Variants in ZC3H12A observed in about 807,000 individuals in gnomAD.
ZC3H12A encodes the protein endoribonuclease ZC3H12A.
ZC3H12A carries 9 observed loss-of-function variants against 29.9 expected under a neutral mutation model. The ratio of observed to expected loss-of-function variants is 0.30; its 90% confidence interval spans 0.18 to 0.53. The LOEUF (loss-of-function observed/expected upper bound fraction) is 0.53, where lower values mean the gene tolerates loss of function less well. Among genes scored for constraint, ZC3H12A ranks in the 20% least tolerant of loss-of-function variants. ZC3H12A has a pLI of 0.96. For missense variants in ZC3H12A, 617 were observed against 799.0 expected (o/e 0.77, Z 2.75); for synonymous variants, 323 against 338.1 (o/e 0.96, Z 0.49).
At chr1:37,477,983 C>G (rs537624373) in intron 2 of ZC3H12A, among the ~76,000 whole-genome samples, 19 of 152,226 alleles carry the variant, frequency 1.2e-4, no homozygotes, top group African/African-American at 4.6e-4. Flanking sequence ...CAGTGCACTG[C>G]CCTGAGAGCC....
At position 37,481,790 on chromosome 1, in the gene ZC3H12A, G is replaced by C; in HGVS notation, c.773G>C (p.Arg258Pro). 6.2e-7 allele frequency: 1 copy of C among 1,614,200 alleles called. No individual in the cohort carries two copies. Among genetic ancestry groups the C allele is most frequent in the Non-Finnish European group, 8.5e-7 (1 of 1,180,028 alleles). Residue 258 changes from arginine (R) to proline (P), a missense_variant, in exon 4 of 6, where the codon CGC becomes CCC. By Grantham distance (103) the Arg-to-Pro change is moderately radical. Around this residue, in one of 5 missense-constraint regions of ZC3H12A, gnomAD observed 255 missense variants for 402.5 expected, o/e 0.63. Transcript: ENST00000373087. ...DLQGERQEWK[R>P]FIEERLLMYS... ...CAAGGCGAGCGGCAGGAGTGGAAGC[G>C]CTTCATCGAGGAGCGGCTGCTCATG...
Position 37,475,814 on chromosome 1 carries a change from C to A in ZC3H12A, c.318C>A (p.Leu106=), listed in dbSNP as rs1365561603. The A allele has an allele frequency of 1.2e-6, 2 of 1,608,080 alleles. No homozygotes were observed. Among genetic ancestry groups the A allele is most frequent in the South Asian group, 1.1e-5 (1 of 90,914 alleles). The change falls in exon 2 of 6, where the codon CTC becomes CTA. Residue 106 remains leucine, a synonymous_variant. Coordinates refer to ENST00000373087, the MANE Select transcript of ZC3H12A (RefSeq NM_025079.3). The surrounding 1 kb of genome is among the most constrained non-coding windows in gnomAD (Gnocchi z 5.2). The part of the protein sequence containing the change: ...RQTSPDPCPQ[L]PLVPRGGGTP... ...CCTCACCGGACCCCTGCCCTCAGCT[C>A]CCTCTAGTCCCGCGGGGTGGTGGCA...
In ZC3H12A at chr1:37,483,741, C is replaced by T. The variant is rs185618223; in HGVS notation, c.*130C>T. ...GGCTGGACAGAGGGAGGATTCAAGT[C>T]GGGAAGGAAACCCACAAACCAAAGA... On this transcript the variant is annotated 3_prime_UTR_variant, in exon 6 of 6. Transcript: ENST00000373087. 6 of 1,264,200 alleles carry T rather than the reference C, an allele frequency of 4.7e-6. No individual in the cohort carries two copies. The highest frequency in any genetic ancestry group is 5.3e-6 in the Non-Finnish European group (5 of 940,876). The allele number at this position is 1,264,200 out of a possible 1,614,324, so 78.3% of individuals were successfully genotyped here. A position where few individuals can be genotyped will look rare whatever the true frequency, so the allele number is the denominator to read the frequency against.
In ZC3H12A at chr1:37,483,450, G is replaced by C. The variant is rs1641759497; in HGVS notation, c.1639G>C (p.Gly547Arg). ...TGGCAGGAGCCCGTGGGGCAGGGCA[G>C]GCAGCCTGGCCAAGGAGCAGGCCAG... ...GAGRSPWGRAGSLAKEQASVY... is the reference protein window; with the variant it reads ...GAGRSPWGRARSLAKEQASVY... Residue 547 changes from glycine to arginine, a missense_variant, in exon 6 of 6, where the codon GGC becomes CGC. Coordinates refer to ENST00000373087, the MANE Select transcript of ZC3H12A (RefSeq NM_025079.3). The C allele has an allele frequency of 6.2e-7, 1 of 1,613,906 alleles. No individual in the cohort carries two copies. Among genetic ancestry groups the C allele is most frequent in the Admixed American group, 1.7e-5 (1 of 60,012 alleles).
chr1:37,481,552 G>A (rs1641705546), intron 3 of ZC3H12A, 49 bp from the exon 4 acceptor site: 1 of 1,595,416 alleles, frequency 6.3e-7, no homozygotes, highest in Non-Finnish European at 8.6e-7. Flanking sequence ...TGTAGGCCTG[G>A]CTCTAGGTCC....
chr1:37,483,016 G>A lies in ZC3H12A; in HGVS notation c.1205G>A (p.Gly402Asp), dbSNP rs559392222. 3 of 1,608,402 alleles carry A rather than the reference G, an allele frequency of 1.9e-6. No individual in the cohort carries two copies. The South Asian group carries it at 3.3e-5, about 18-fold the overall frequency. ...EGLTQTYAPS[G>D]RSLAPSGGSG... Reference sequence around the variant, plus strand: ...CTAACACAGACCTATGCCCCATCAGGCAGGAGCCTCGCACCTAGCGGGGGC... The same window carrying A: ...CTAACACAGACCTATGCCCCATCAGACAGGAGCCTCGCACCTAGCGGGGGC... The change falls in exon 6 of 6, where the codon GGC becomes GAC. Residue 402 changes from glycine (G) to aspartate (D), a missense_variant. Gly to Asp is a moderately conservative substitution (Grantham distance 94, BLOSUM62 -1). Transcript: ENST00000373087.
intron 4 of ZC3H12A, 136 bp from the exon 5 acceptor site, chr1:37,482,298 C>T (rs1569927689): frequency 9.6e-6 from 7 of 725,800 alleles, no homozygotes; most frequent in East Asian, 7.8e-5. Flanking sequence ...AGCAGTTTTG[C>T]GGGGTCCTGG....
chr1:37,475,867 C>T lies in ZC3H12A; in HGVS notation c.371C>T (p.Pro124Leu). The change falls in exon 2 of 6, where the codon CCA becomes CTA. Residue 124 changes from proline to leucine, a missense_variant. This residue lies in a region of ZC3H12A where 255 missense variants were observed against 402.5 expected (regional missense o/e 0.63). Coordinates refer to ENST00000373087, the MANE Select transcript of ZC3H12A (RefSeq NM_025079.3). This position sits in a 1 kb window ranked among gnomAD's most constrained non-coding sequence, Gnocchi z 5.2. ...CCTAAGGCTCCCAACCTGGAGCCTC[C>T]ACTCCCAGAAGAGGAAAAGGAGGGC... is the stretch of plus-strand genomic sequence containing the variant. Reference protein sequence around the residue: ...GTPKAPNLEPPLPEEEKEGSD... With the variant: ...GTPKAPNLEPLLPEEEKEGSD... The T allele has an allele frequency of 3.8e-6, 6 of 1,566,488 alleles. No homozygotes were observed. Among genetic ancestry groups the T allele is most frequent in the Non-Finnish European group, 5.2e-6 (6 of 1,156,402 alleles).
rs1641633825 is a variant in ZC3H12A, at chr1:37,478,429, G to A, written c.444-1861G>A. ...TTAGAGACAGGAAGGCAACCGAGTGGCCCAGACCTGGGTTCGAGTTCTGAC... is the reference window on the plus strand; with the variant it reads ...TTAGAGACAGGAAGGCAACCGAGTGACCCAGACCTGGGTTCGAGTTCTGAC... On this transcript the variant is annotated intron_variant, in intron 2 of 5. Coordinates refer to ENST00000373087, the MANE Select transcript of ZC3H12A (RefSeq NM_025079.3). This position sits in a 1 kb window ranked among gnomAD's most constrained non-coding sequence, Gnocchi z 5.2. Among the ~76,000 whole-genome samples the A allele has an allele frequency of 6.6e-6, 1 of 152,190 alleles. No individual in the cohort carries two copies. Among genetic ancestry groups the A allele is most frequent in the Admixed American group, 6.5e-5 (1 of 15,284 alleles).
chr1:37,479,813 C>T lies in ZC3H12A; in HGVS notation c.444-477C>T, dbSNP rs1331485548. 1 of 985,404 alleles carries T rather than the reference C, an allele frequency of 1.0e-6. No individual in the cohort carries two copies. Among genetic ancestry groups the T allele is most frequent in the Non-Finnish European group, 1.2e-6 (1 of 829,912 alleles). The allele number at this position is 985,404 out of a possible 1,614,324, so 61.0% of individuals were successfully genotyped here. ...CCGCCCCCACCCACGCTGCAAGAGG[C>T]GAGGGAGGGGTGGTGACTCAGTGTG... On this transcript the variant is annotated intron_variant, in intron 2 of 5. Transcript: ENST00000373087. This position sits in a 1 kb window ranked among gnomAD's most constrained non-coding sequence, Gnocchi z 4.5.
At position 37,475,471 on chromosome 1, in the gene ZC3H12A, C is replaced by A; in HGVS notation, c.-26C>A. 6.4e-7 allele frequency: 1 copy of A among 1,573,558 alleles called. No individual in the cohort carries two copies. The highest frequency in any genetic ancestry group is 8.6e-7 in the Non-Finnish European group (1 of 1,158,660). ...GTTGGTTGTTCAGTAGGAGCTGTGG[C>A]GCGGGGCCTTCCAGGAGTCTGAGCT... On this transcript the variant is annotated 5_prime_UTR_variant, in exon 2 of 6. Coordinates refer to ENST00000373087, the MANE Select transcript of ZC3H12A (RefSeq NM_025079.3). The surrounding 1 kb of genome is among the most constrained non-coding windows in gnomAD (Gnocchi z 5.2).
At chr1:37,477,105 G>A (rs1443742057) in intron 2 of ZC3H12A, among the ~76,000 whole-genome samples, 1 of 152,200 alleles carries the variant, frequency 6.6e-6, no homozygotes, top group Non-Finnish European at 1.5e-5. Context: ...AGCCTGGATG[G>A]GAGGCTGAGA....
chr1:37,480,238 G>T (rs372979971), intron 2 of ZC3H12A, 52 bp from the exon 3 acceptor site: 7 of 1,585,960 alleles, frequency 4.4e-6, no homozygotes, highest in Middle Eastern at 1.7e-4. Context: ...TCAGGCCTAG[G>T]GGGTGGCAGG....
At position 37,479,782 on chromosome 1, in the gene ZC3H12A, C is replaced by CT; in HGVS notation, c.444-506dup. 4 of 985,440 alleles carry CT rather than the reference C, an allele frequency of 4.1e-6. No homozygotes were observed. Among genetic ancestry groups the CT allele is most frequent in the Non-Finnish European group, 3.6e-6 (3 of 829,938 alleles). The allele number at this position is 985,440 out of a possible 1,614,324, so 61.0% of individuals were successfully genotyped here. ...TTCTCCTCGGTCAGCCCAGCCGGTGCTTCCCCCGCCCCCACCCACGCTGCA... is the reference window on the plus strand; with the variant it reads ...TTCTCCTCGGTCAGCCCAGCCGGTGCTTTCCCCCGCCCCCACCCACGCTGCA... On this transcript the variant is annotated intron_variant, in intron 2 of 5. Coordinates refer to ENST00000373087, the MANE Select transcript of ZC3H12A (RefSeq NM_025079.3). This position sits in a 1 kb window ranked among gnomAD's most constrained non-coding sequence, Gnocchi z 4.5.
chr1:37,481,221 T>C (rs1237343794), intron 3 of ZC3H12A, among the ~76,000 whole-genome samples: 2 of 152,064 alleles, frequency 1.3e-5, no homozygotes, highest in East Asian at 3.9e-4. Flanking sequence ...CCAAGATACT[T>C]CTCCCACCCC....
At position 37,479,673 on chromosome 1, in the gene ZC3H12A, G is replaced by A. The variant is rs1641659836; in HGVS notation, c.444-617G>A. On this transcript the variant is annotated intron_variant, in intron 2 of 5. Coordinates refer to ENST00000373087, the MANE Select transcript of ZC3H12A (RefSeq NM_025079.3). This position sits in a 1 kb window ranked among gnomAD's most constrained non-coding sequence, Gnocchi z 4.5. ...CTGTCCCATGCTGAAGGCTGGAGTC[G>A]CCAGCCCCTTCCCCTTTGCCTTTCT... is the stretch of plus-strand genomic sequence containing the variant. 1.0e-6 allele frequency: 1 copy of A among 985,328 alleles called. No homozygotes were observed. The highest frequency in any genetic ancestry group is 1.2e-6 in the Non-Finnish European group (1 of 829,906). 61.0% of individuals were successfully genotyped at this position (985,328 alleles called of 1,614,324 possible).
rs922884092 is a variant in ZC3H12A at position 37,476,613 on chromosome 1, C to T, written c.443+674C>T. On this transcript the variant is annotated intron_variant, in intron 2 of 5. Transcript: ENST00000373087. The surrounding 1 kb of genome is among the most constrained non-coding windows in gnomAD (Gnocchi z 6.0). ...GCTGGACCAGTCTCTGGAGGTTCCC[C>T]GGGGCCAGAGCCAGGACTCAGCCCC... 1.3e-5 allele frequency among the ~76,000 whole-genome samples: 2 copies of T among 152,162 alleles called. No homozygotes were observed. Among genetic ancestry groups the T allele is most frequent in the African/African-American group, 4.8e-5 (2 of 41,428 alleles).
intron 2 of ZC3H12A, among the ~76,000 whole-genome samples, chr1:37,477,518 C>A (rs116568767): frequency 2.6e-3 from 401 of 152,310 alleles, no homozygotes; most frequent in African/African-American, 9.3e-3. Flanking sequence ...GCTAGCCCCC[C>A]CATCATATGC....
In ZC3H12A at chr1:37,483,342, C is replaced by A; in HGVS notation, c.1531C>A (p.Pro511Thr). 1 of 1,614,176 alleles carries A rather than the reference C, an allele frequency of 6.2e-7. No individual in the cohort carries two copies. Among genetic ancestry groups the A allele is most frequent in the Non-Finnish European group, 8.5e-7 (1 of 1,180,008 alleles). The change falls in exon 6 of 6, where the codon CCT (proline) becomes ACT (threonine). Residue 511 changes from proline to threonine, a missense_variant. Coordinates refer to ENST00000373087, the MANE Select transcript of ZC3H12A (RefSeq NM_025079.3). ...CCCACCCGCGCCCCCTGCCTTTCCA[C>A]CTCGAGAGTACTGGTCTGAACCATA... Reference protein sequence around the residue: ...DYPPAPPAFPPREYWSEPYPL... With the variant: ...DYPPAPPAFPTREYWSEPYPL...
Sources: allele counts gnomAD v4.1 joint callset (sites outside exome capture counted in the v4.1 genomes callset), GRCh38; gene constraint gnomAD v4.1.1; regional missense constraint gnomAD v4.1.1; non-coding constraint Gnocchi (gnomAD v3.1); transcripts MANE v1.5; gene names NCBI Gene and HGNC (gene_info 2026-07-23, HGNC 2026-07-21).